The following BIRC6 variants were observed in gnomAD, a reference collection of about 807,000 sequenced individuals.
BIRC6 encodes dual E2 ubiquitin-conjugating enzyme/E3 ubiquitin-protein ligase BIRC6.
Under a neutral mutation model 503.3 loss-of-function variants are expected in BIRC6, and 98 were observed. The ratio of observed to expected loss-of-function variants is 0.19; its 90% CI spans 0.17 to 0.23. BIRC6 has a LOEUF of 0.23. Among genes scored for constraint, BIRC6 ranks in the 10% least tolerant of loss-of-function variants. The pLI, the probability that BIRC6 is intolerant of heterozygous loss-of-function variation, is 1.00. For missense variants in BIRC6, 5,360 were observed against 5,806.0 expected, an observed-to-expected ratio of 0.92 and a Z score of 2.50; for synonymous variants, 2,240 against 2,078.7, an observed-to-expected ratio of 1.08 and a Z score of -2.11.
intron 3 of BIRC6, among the ~76,000 whole-genome samples, 193 bp downstream of exon 3, chr2:32,380,483 G>T (rs373180009): frequency 2.0e-5 from 3 of 152,128 alleles, no homozygotes; most frequent in African/African-American, 7.2e-5. Context: ...AATCCCAGCT[G>T]AGGGAGGCTG....
In BIRC6 at chr2:32,445,588, A is replaced by G; in HGVS notation, c.4404A>G (p.Thr1468=). The change falls in exon 21 of 74, where the codon ACA becomes ACG. Residue 1468 remains threonine (T), a synonymous_variant. Transcript: ENST00000421745. ...ATGAAGATCTGGCTGGATGCAGTAC[A>G]GCTTGTGCATCTTTGCTTACTGCAG... ...VKDEDLAGCS[T]ACASLLTAVS... The G allele has an allele frequency of 1.0e-5, 16 of 1,606,836 alleles. No individual in the cohort carries two copies. The highest frequency in any genetic ancestry group is 1.4e-5 in the Non-Finnish European group (16 of 1,176,266).
chr2:32,381,932 A>AT (rs150738758), intron 3 of BIRC6, among the ~76,000 whole-genome samples: 5,036 of 151,376 alleles, frequency 0.033, 199 homozygotes, highest in African/African-American at 0.096. Context: ...GTTGCATTGA[A>AT]TTTTTTTTTG....
At chr2:32,565,312 T>C (rs1305444044) in intron 65 of BIRC6, 2 of 152,230 alleles carry the variant, frequency 1.3e-5, no homozygotes, top group African/African-American at 4.8e-5. Context: ...GTATCTAGTT[T>C]TTATAAAATT....
intron 38 of BIRC6, 97 bp downstream of exon 38, chr2:32,481,550 A>C: frequency 1.0e-6 from 1 of 989,916 alleles, no homozygotes; most frequent in Non-Finnish European, 1.4e-6. Context: ...GCAGATCACA[A>C]GGTCAAGAGA....
chr2:32,591,214 G>T (rs568356539), intron 66 of BIRC6, among the ~76,000 whole-genome samples: 1 of 152,150 alleles, frequency 6.6e-6, no homozygotes, highest in South Asian at 2.1e-4. Context: ...TTAGAACCTG[G>T]TCAAAGGTCT....
intron 65 of BIRC6, among the ~76,000 whole-genome samples, chr2:32,570,269 G>C (rs1281305007): frequency 6.6e-6 from 1 of 152,084 alleles, no homozygotes; most frequent in Non-Finnish European, 1.5e-5. Context: ...ACTTGATCAT[G>C]ATGTATTATC....
At chr2:32,513,659 C>T (rs2054680007) in intron 54 of BIRC6, among the ~76,000 whole-genome samples, 1 of 152,166 alleles carries the variant, frequency 6.6e-6, no homozygotes, top group Non-Finnish European at 1.5e-5. Context: ...GCCTGTAATC[C>T]CAGCACTTTG....
intron 10 of BIRC6, among the ~76,000 whole-genome samples, chr2:32,425,136 G>C (rs1232030043): frequency 6.7e-6 from 1 of 149,956 alleles, no homozygotes; most frequent in Admixed American, 6.6e-5. Context: ...AACATTTTTA[G>C]AAATTCAGGA....
intron 8 of BIRC6, among the ~76,000 whole-genome samples, chr2:32,405,544 T>G (rs534803061): frequency 3.8e-4 from 58 of 152,290 alleles, no homozygotes; most frequent in African/African-American, 1.3e-3. Context: ...CGGTGGCTTA[T>G]GTTTGTAATC....
intron 66 of BIRC6, among the ~76,000 whole-genome samples, chr2:32,585,412 C>G (rs1214328920): frequency 6.6e-6 from 1 of 151,360 alleles, no homozygotes; most frequent in East Asian, 1.9e-4. Context: ...CAAAGTCTCA[C>G]TCTGTCACCC....
rs35262687 is a variant in BIRC6, at chr2:32,376,185, CAA to C, written c.326-1386_326-1385del. On this transcript the variant is annotated intron_variant, in intron 1 of 73. Transcript: ENST00000421745. ...TGGGGGACAGGGCAAGACTCGGTCT[CAA>C]AAAAAAAAAAAAAAAAGGAAAATAC... 8.1e-3 allele frequency among the ~76,000 whole-genome samples: 859 copies of C among 106,034 alleles called. 6 individuals are homozygous for C. The highest frequency in any genetic ancestry group is 0.025 in the African/African-American group (687 of 27,768). The allele number at this position is 106,034 out of a possible 152,430, so 69.6% of individuals were successfully genotyped here. A position where few individuals can be genotyped will look rare whatever the true frequency, so the allele number is the denominator to read the frequency against.
At chr2:32,467,135 AAG>A (rs1553447838) in intron 26 of BIRC6, among the ~76,000 whole-genome samples, 10 of 151,454 alleles carry the variant, frequency 6.6e-5, no homozygotes, top group African/African-American at 1.7e-4. Context: ...AAAAAAAAAA[AAG>A]AGGGGTTTCG....
chr2:32,486,551 G>A (rs997633570), intron 40 of BIRC6, among the ~76,000 whole-genome samples: 1 of 152,134 alleles, frequency 6.6e-6, no homozygotes, highest in African/African-American at 2.4e-5. Context: ...GAGGGTGCTG[G>A]TTTTTGTTTT....
intron 9 of BIRC6, among the ~76,000 whole-genome samples, chr2:32,411,066 T>C (rs1324807013): frequency 6.7e-6 from 1 of 149,718 alleles, no homozygotes; most frequent in African/African-American, 2.5e-5. Flanking sequence ...TAAGACGGAG[T>C]TTTGCTTTTT....
chr2:32,542,436 GGCA>G (rs2057735497), intron 61 of BIRC6, among the ~76,000 whole-genome samples: 1 of 151,908 alleles, frequency 6.6e-6, no homozygotes, highest in Non-Finnish European at 1.5e-5. Context: ...ATTCCCCTCA[GGCA>G]TCAAAATTAA....
intron 32 of BIRC6, among the ~76,000 whole-genome samples, chr2:32,471,503 G>T (rs1384730644): frequency 1.3e-5 from 2 of 151,756 alleles, no homozygotes; most frequent in Non-Finnish European, 2.9e-5. Flanking sequence ...TAGCATTATT[G>T]GTATCTACTA....
In BIRC6 at chr2:32,439,697, G is replaced by T; in HGVS notation, c.3810+11G>T. 3.1e-6 allele frequency: 5 copies of T among 1,608,734 alleles called. No individual in the cohort carries two copies. The highest frequency in any genetic ancestry group is 4.3e-6 in the Non-Finnish European group (5 of 1,175,870). On this transcript the variant is annotated intron_variant, in intron 16 of 73. Coordinates refer to ENST00000421745, the MANE Select transcript of BIRC6 (RefSeq NM_016252.4). Reference sequence around the variant, plus strand: ...GTTGCAGCAGGCAAGGTATGAAACTGTCATTTTGAACAATAACAATACAGT... The same window carrying T: ...GTTGCAGCAGGCAAGGTATGAAACTTTCATTTTGAACAATAACAATACAGT...
chr2:32,415,230 T>C lies in BIRC6; in HGVS notation c.1939T>C (p.Ser647Pro). The change falls in exon 10 of 74, where the codon TCA becomes CCA. Residue 647 changes from serine (S) to proline (P), a missense_variant. Coordinates refer to ENST00000421745, the MANE Select transcript of BIRC6 (RefSeq NM_016252.4). ...ESDEKAGKIF[S>P]QMNNIMSKSL... ...TGATGAGAAAGCAGGAAAGATCTTT[T>C]CACAGATGAACAATATTATGAGTAA... 1 of 1,613,956 alleles carries C rather than the reference T, an allele frequency of 6.2e-7. No homozygotes were observed. The highest frequency in any genetic ancestry group is 1.6e-4 in the Middle Eastern group (1 of 6,062).
intron 39 of BIRC6, among the ~76,000 whole-genome samples, chr2:32,484,487 G>T (rs1252542015): frequency 6.7e-6 from 1 of 150,186 alleles, no homozygotes; most frequent in Admixed American, 6.7e-5. Flanking sequence ...TGGGGCAGAG[G>T]TTGCAGTGAG....
Sources: allele counts gnomAD v4.1 joint callset (sites outside exome capture counted in the v4.1 genomes callset), GRCh38; gene constraint gnomAD v4.1.1; transcripts MANE v1.5; gene names NCBI Gene and HGNC (gene_info 2026-07-23, HGNC 2026-07-21).